TMEM8B: variants seen among roughly 807,000 people sequenced by gnomAD.
The protein encoded by TMEM8B is nasopharyngeal carcinoma expressed 6.
A neutral mutation model predicts 49.3 loss-of-function variants in TMEM8B; 29 were observed. That is an observed-to-expected ratio of 0.59 (90% confidence interval 0.44 to 0.80). The LOEUF (loss-of-function observed/expected upper bound fraction) is 0.80, where lower values mean the gene tolerates loss of function less well. Among genes scored for constraint, TMEM8B ranks in the 30% least tolerant of loss-of-function variants. TMEM8B has a pLI of 0.00. For synonymous variants in TMEM8B, 264 were observed against 272.8 expected (o/e 0.97, Z 0.32); for missense variants, 575 against 658.5 (o/e 0.87, Z 1.39).
chr9:35,842,797 C>T lies in TMEM8B; in HGVS notation c.1635+80C>T, dbSNP rs1831156802. The T allele has an allele frequency of 5.6e-6, 8 of 1,437,762 alleles. No individual in the cohort carries two copies. The highest frequency in any genetic ancestry group is 6.5e-6 in the Non-Finnish European group (7 of 1,079,632). 89.1% of individuals were successfully genotyped at this position (1,437,762 alleles called of 1,614,324 possible). A position where few individuals can be genotyped will look rare whatever the true frequency, so the allele number is the denominator to read the frequency against. ...GTGTCAGGGGTGTTGGGGTGTTTAC[C>T]TCCTCCAGGAAGCCTGTCCAGGTTG... On this transcript the variant is annotated intron_variant, in intron 6 of 12. Coordinates refer to ENST00000643932, the MANE Select transcript of TMEM8B (RefSeq NM_001042590.4). This position sits in a 1 kb window ranked among gnomAD's most constrained non-coding sequence, Gnocchi z 5.6.
intron 1 of TMEM8B, among the ~76,000 whole-genome samples, chr9:35,834,027 A>G (rs1292079831): frequency 2.1e-5 from 2 of 96,084 alleles, no homozygotes. Context: ...ACGCCATGCC[A>G]AAATACACAC....
chr9:35,835,965 G>A (rs1350711943), intron 3 of TMEM8B, among the ~76,000 whole-genome samples: 4 of 152,236 alleles, frequency 2.6e-5, no homozygotes, highest in Non-Finnish European at 5.9e-5. Context: ...CTGTTCACTG[G>A]AGGAGAAGCA....
rs538463992 is a variant in TMEM8B at position 35,863,233 on chromosome 9, G to C, written c.*9393G>C. On this transcript the variant is annotated 3_prime_UTR_variant, in exon 13 of 13. Coordinates refer to ENST00000643932, the MANE Select transcript of TMEM8B (RefSeq NM_001042590.4). The stretch of plus-strand genomic sequence containing the variant: ...CCCTTCCCCCTCCAACACATACACC[G>C]CAACAGAATGATACAGCTATTGTGA... 6.6e-6 allele frequency: 1 copy of C among 152,112 alleles called. No individual in the cohort carries two copies. Among genetic ancestry groups the C allele is most frequent in the African/African-American group, 2.4e-5 (1 of 41,388 alleles). The allele number at this position is 152,112 out of a possible 1,614,324, so 9.4% of individuals were successfully genotyped here. A position where few individuals can be genotyped will look rare whatever the true frequency, so the allele number is the denominator to read the frequency against.
At chr9:35,837,700 G>T (rs1170301121) in intron 3 of TMEM8B, among the ~76,000 whole-genome samples, 1 of 152,176 alleles carries the variant, frequency 6.6e-6, no homozygotes, top group Admixed American at 6.5e-5. Flanking sequence ...TATTTACTAC[G>T]TATTCCTAGC....
Position 35,842,581 on chromosome 9 carries a change from C to A in TMEM8B, c.1499C>A (p.Thr500Asn). 1 of 1,614,274 alleles carries A rather than the reference C, an allele frequency of 6.2e-7. No homozygotes were observed. Among genetic ancestry groups the A allele is most frequent in the African/African-American group, 1.3e-5 (1 of 75,086 alleles). Residue 500 changes from threonine to asparagine, a missense_variant, in exon 6 of 13, where the codon ACC (threonine) becomes AAC (asparagine). Coordinates refer to ENST00000643932, the MANE Select transcript of TMEM8B (RefSeq NM_001042590.4). This position sits in a 1 kb window ranked among gnomAD's most constrained non-coding sequence, Gnocchi z 5.6. Reference protein sequence around the residue: ...VRPTLRNELDTFSVHFYIFFG... With the variant: ...VRPTLRNELDNFSVHFYIFFG... ...CCGACTCTGCGCAACGAGCTGGACA[C>A]CTTCTCTGTCCACTTCTACATCTTC... is the stretch of plus-strand genomic sequence containing the variant.
In TMEM8B at chr9:35,854,024, T is replaced by C. The variant is rs1832396698; in HGVS notation, c.*184T>C. 1 of 1,333,220 alleles carries C rather than the reference T, an allele frequency of 7.5e-7. No homozygotes were observed. The highest frequency in any genetic ancestry group is 2.8e-5 in the East Asian group (1 of 35,952). The allele number at this position is 1,333,220 out of a possible 1,614,324, so 82.6% of individuals were successfully genotyped here. A position where few individuals can be genotyped will look rare whatever the true frequency, so the allele number is the denominator to read the frequency against. On this transcript the variant is annotated 3_prime_UTR_variant, in exon 13 of 13. Transcript: ENST00000643932. ...GGACATGGAGAACTTCCTGAGGGCC[T>C]GGAGTCCCCCTGCATCATGGAGTCC...
At chr9:35,832,182 T>C (rs1298981696) in intron 1 of TMEM8B, among the ~76,000 whole-genome samples, 1 of 151,220 alleles carries the variant, frequency 6.6e-6, no homozygotes, top group South Asian at 2.1e-4. Context: ...TGTGTGTGTG[T>C]GTGTGTGTGT....
chr9:35,846,811 C>A lies in TMEM8B; in HGVS notation c.1997-6C>A, dbSNP rs776324139. 1.9e-6 allele frequency: 3 copies of A among 1,610,480 alleles called. No homozygotes were observed. The South Asian group carries it at 3.3e-5, about 18-fold the overall frequency. ...CTCTTCCATTCTGTGCCTTCCCCAC[C>A]CGCAGGGTGGAGAGGCTGGGGCTGC... is the stretch of plus-strand genomic sequence containing the variant. On this transcript the variant is annotated splice_polypyrimidine_tract_variant and splice_region_variant and intron_variant, in intron 9 of 12. Transcript: ENST00000643932.
At chr9:35,840,296 G>T (rs1481890331) in intron 3 of TMEM8B, among the ~76,000 whole-genome samples, 1 of 152,216 alleles carries the variant, frequency 6.6e-6, no homozygotes, top group African/African-American at 2.4e-5. Context: ...AGACGGATCA[G>T]TGGGTCCCTT....
intron 10 of TMEM8B, among the ~76,000 whole-genome samples, chr9:35,847,891 T>C (rs1351307963): frequency 6.6e-6 from 1 of 152,124 alleles, no homozygotes; most frequent in Non-Finnish European, 1.5e-5. Context: ...CAAGTAGACT[T>C]TTTACCCCTG....
Position 35,846,396 on chromosome 9 carries a change from G to A in TMEM8B, c.1853+15G>A. 1 of 1,608,386 alleles carries A rather than the reference G, an allele frequency of 6.2e-7. No homozygotes were observed. On this transcript the variant is annotated intron_variant, in intron 8 of 12. Transcript: ENST00000643932. ...GTGGGGCCTCGGTGAGCGGTGCGGG[G>A]CGGGGCCAGGGCTGGGACCGGGACT...
Position 35,846,530 on chromosome 9 carries a change from G to T in TMEM8B, c.1915G>T (p.Val639Leu). The T allele has an allele frequency of 6.3e-7, 1 of 1,585,566 alleles. No homozygotes were observed. The highest frequency in any genetic ancestry group is 8.6e-7 in the Non-Finnish European group (1 of 1,165,862). ...VRMRTFLSPC[V>L]DDCGPYGQCK... is the part of the protein sequence containing the mutation. Reference sequence around the variant, plus strand: ...GATGCGCACCTTCCTGTCCCCATGCGTGGACGACTGCGGGCCCTACGGCCA... The same window carrying T: ...GATGCGCACCTTCCTGTCCCCATGCTTGGACGACTGCGGGCCCTACGGCCA... Residue 639 changes from valine to leucine, a missense_variant, in exon 9 of 13, where the codon GTG (valine) becomes TTG (leucine). Val to Leu is a conservative substitution (Grantham distance 32, BLOSUM62 1). Coordinates refer to ENST00000643932, the MANE Select transcript of TMEM8B (RefSeq NM_001042590.4).
rs1456354829 is a variant in TMEM8B at position 35,858,131 on chromosome 9, G to A, written c.*4291G>A. 1 of 145,140 alleles carries A rather than the reference G, an allele frequency of 6.9e-6. No homozygotes were observed. Among genetic ancestry groups the A allele is most frequent in the Non-Finnish European group, 1.5e-5 (1 of 67,088 alleles). 9.0% of individuals were successfully genotyped at this position (145,140 alleles called of 1,614,324 possible). On this transcript the variant is annotated 3_prime_UTR_variant, in exon 13 of 13. Coordinates refer to ENST00000643932, the MANE Select transcript of TMEM8B (RefSeq NM_001042590.4). ...TTCTTTTTTTTTTTTTTGAGACGGA[G>A]TCTCACTCTGTTGCCCAGGCTGGAG...
chr9:35,846,517 C>T lies in TMEM8B; in HGVS notation c.1902C>T (p.Phe634=). The change falls in exon 9 of 13, where the codon TTC becomes TTT. Residue 634 remains phenylalanine (F), a synonymous_variant. Coordinates refer to ENST00000643932, the MANE Select transcript of TMEM8B (RefSeq NM_001042590.4). The stretch of plus-strand genomic sequence containing the variant: ...CGGCCGAGGTGCGGATGCGCACCTT[C>T]CTGTCCCCATGCGTGGACGACTGCG... ...NATAEVRMRT[F]LSPCVDDCGP... 8.2e-6 allele frequency: 13 copies of T among 1,592,594 alleles called. No homozygotes were observed. The highest frequency in any genetic ancestry group is 1.1e-5 in the Non-Finnish European group (13 of 1,169,598).
Position 35,846,473 on chromosome 9 carries a change from G to T in TMEM8B, c.1858G>T (p.Val620Leu), listed in dbSNP as rs991070844. Residue 620 changes from valine (V) to leucine (L), a missense_variant, in exon 9 of 13, where the codon GTG becomes TTG. Transcript: ENST00000643932. ...TGACTGCGAGTTTGTGCGCAGGTTC[G>T]TGCGGTGCCGCAACGCGACGGCCGA... ...RSLCGVGPRFVRCRNATAEVR... is the reference protein window; with the variant it reads ...RSLCGVGPRFLRCRNATAEVR... 2 of 1,599,618 alleles carry T rather than the reference G, an allele frequency of 1.3e-6. No individual in the cohort carries two copies. Among genetic ancestry groups the T allele is most frequent in the African/African-American group, 1.3e-5 (1 of 74,750 alleles).
Position 35,834,448 on chromosome 9 carries a change from TC to T in TMEM8B, c.509-11del. ...GTCCTGCCCTGCTCCTTTCTCTCTC[TC>T]CTGCTTCCCAGGAGGCCTTTTCCTG... On this transcript the variant is annotated splice_polypyrimidine_tract_variant and intron_variant, in intron 1 of 12. Transcript: ENST00000643932. 1 of 415,094 alleles carries T rather than the reference TC, an allele frequency of 2.4e-6. No individual in the cohort carries two copies. Among genetic ancestry groups the T allele is most frequent in the Non-Finnish European group, 4.4e-6 (1 of 226,580 alleles). The allele number at this position is 415,094 out of a possible 1,614,324, so 25.7% of individuals were successfully genotyped here.
In TMEM8B at chr9:35,853,626, C is replaced by T; in HGVS notation, c.2561C>T (p.Thr854Ile). 2 of 1,614,248 alleles carry T rather than the reference C, an allele frequency of 1.2e-6. No homozygotes were observed. Among genetic ancestry groups the T allele is most frequent in the South Asian group, 1.1e-5 (1 of 91,090 alleles). ...SAVLLYAFVE[T>I]RDNYFYIHSI... ...GTCCTGCTTTATGCTTTTGTGGAGA[C>T]CCGGGACAACTACTTCTACATTCAC... Residue 854 changes from threonine (T) to isoleucine (I), a missense_variant, in exon 13 of 13, where the codon ACC becomes ATC. Coordinates refer to ENST00000643932, the MANE Select transcript of TMEM8B (RefSeq NM_001042590.4). This position sits in a 1 kb window ranked among gnomAD's most constrained non-coding sequence, Gnocchi z 4.2.
Position 35,854,950 on chromosome 9 carries a change from T to C in TMEM8B, c.*1110T>C, listed in dbSNP as rs1832462001. The C allele has an allele frequency of 6.6e-6, 1 of 152,246 alleles. No homozygotes were observed. The highest frequency in any genetic ancestry group is 2.1e-4 in the South Asian group (1 of 4,828). The allele number at this position is 152,246 out of a possible 1,614,324, so 9.4% of individuals were successfully genotyped here. A position where few individuals can be genotyped will look rare whatever the true frequency, so the allele number is the denominator to read the frequency against. On this transcript the variant is annotated 3_prime_UTR_variant, in exon 13 of 13. Coordinates refer to ENST00000643932, the MANE Select transcript of TMEM8B (RefSeq NM_001042590.4). The stretch of plus-strand genomic sequence containing the variant: ...GAGGGTCTTACATAATGCCAAGAAG[T>C]TGGGAGAGCATTCTCACTGATCACC...
At chr9:35,848,652 C>T (rs968569236) in intron 10 of TMEM8B, among the ~76,000 whole-genome samples, 2 of 150,780 alleles carry the variant, frequency 1.3e-5, no homozygotes, top group Admixed American at 6.7e-5. Context: ...AAAAAGCTCC[C>T]GGTTTCTTTC....
Sources: allele counts gnomAD v4.1 joint callset (sites outside exome capture counted in the v4.1 genomes callset), GRCh38; gene constraint gnomAD v4.1.1; non-coding constraint Gnocchi (gnomAD v3.1); transcripts MANE v1.5; gene names NCBI Gene and HGNC (gene_info 2026-07-23, HGNC 2026-07-21).